STIMATE: variants seen among roughly 807,000 people sequenced by gnomAD.
STIMATE encodes the protein store-operated calcium entry regulator STIMATE.
STIMATE carries 15 observed loss-of-function variants against 36.7 expected under a neutral mutation model. That is an observed-to-expected ratio of 0.41 (90% CI 0.27 to 0.63). The LOEUF is 0.63. STIMATE is among the 20% of genes least tolerant of loss of function. The pLI, the probability that STIMATE is intolerant of heterozygous loss-of-function variation, is 0.32. For missense variants in STIMATE, 305 were observed against 397.3 expected, an observed-to-expected ratio of 0.77 and a Z score of 1.98; for synonymous variants, 163 against 162.3, an observed-to-expected ratio of 1.00 and a Z score of -0.03.
At chr3:52,896,489 T>C (rs904890242) in intron 1 of STIMATE, among the ~76,000 whole-genome samples, 3 of 151,732 alleles carry the variant, frequency 2.0e-5, no homozygotes, top group Admixed American at 6.6e-5. Context: ...TCAGCACACA[T>C]GAGAACAGGG....
At chr3:52,880,564 CAGCCA>C (rs1701586055) in intron 1 of STIMATE, among the ~76,000 whole-genome samples, 1 of 152,194 alleles carries the variant, frequency 6.6e-6, no homozygotes, top group Admixed American at 6.5e-5. Flanking sequence ...AACGAAGACT[CAGCCA>C]AGCTCCATTC....
chr3:52,855,099 A>G (rs931997173), intron 2 of STIMATE, among the ~76,000 whole-genome samples: 2 of 152,226 alleles, frequency 1.3e-5, no homozygotes, highest in Non-Finnish European at 2.9e-5. Flanking sequence ...AGGTAGACAT[A>G]GATGAAGGAG....
intron 1 of STIMATE, among the ~76,000 whole-genome samples, chr3:52,856,955 T>C (rs1299310241): frequency 6.6e-6 from 1 of 152,232 alleles, no homozygotes; most frequent in Non-Finnish European, 1.5e-5. Context: ...GTGTGATACT[T>C]TCCCACAGAA....
intron 7 of STIMATE, 54 bp downstream of exon 7, chr3:52,842,757 C>T (rs1700820311): frequency 1.2e-6 from 2 of 1,610,802 alleles, no homozygotes; most frequent in East Asian, 4.5e-5. Flanking sequence ...CCAGAGACCC[C>T]CTTGGGCCAG....
At chr3:52,887,440 G>A (rs191068987) in intron 1 of STIMATE, among the ~76,000 whole-genome samples, 1 of 152,354 alleles carries the variant, frequency 6.6e-6, no homozygotes, top group East Asian at 1.9e-4. Context: ...TTGCGGCACA[G>A]GAAAAGCTGG....
chr3:52,896,913 G>A (rs1285028426), intron 1 of STIMATE, among the ~76,000 whole-genome samples: 3 of 152,188 alleles, frequency 2.0e-5, no homozygotes, highest in African/African-American at 7.2e-5. Flanking sequence ...TGGGGATTGA[G>A]GGATGTGGGT....
chr3:52,870,725 C>A (rs1701388700), intron 1 of STIMATE, among the ~76,000 whole-genome samples: 1 of 152,158 alleles, frequency 6.6e-6, no homozygotes, highest in South Asian at 2.1e-4. Flanking sequence ...TCCCGCCTCA[C>A]CAGCAGCAGG....
chr3:52,859,172 A>AAAAT (rs1559492845), intron 1 of STIMATE, among the ~76,000 whole-genome samples: 2 of 145,942 alleles, frequency 1.4e-5, no homozygotes, highest in Non-Finnish European at 3.0e-5. Flanking sequence ...CAAAAAAAAT[A>AAAAT]AAATAAATAA....
At chr3:52,871,133 G>C (rs1039936594) in intron 1 of STIMATE, among the ~76,000 whole-genome samples, 1 of 152,172 alleles carries the variant, frequency 6.6e-6, no homozygotes, top group African/African-American at 2.4e-5. Flanking sequence ...ACTCGTGATA[G>C]TTTCATATGC....
chr3:52,869,721 T>G (rs1190770981), intron 1 of STIMATE, among the ~76,000 whole-genome samples: 1 of 152,176 alleles, frequency 6.6e-6, no homozygotes, highest in Non-Finnish European at 1.5e-5. Flanking sequence ...AGTAGGCACT[T>G]AACTACTAAA....
chr3:52,897,203 G>A, intron 1 of STIMATE, 88 bp downstream of exon 1: 1 of 1,485,934 alleles, frequency 6.7e-7, no homozygotes, highest in Non-Finnish European at 8.9e-7. Flanking sequence ...CCCAAGGCCT[G>A]AACTCTCCGC....
Position 52,844,902 on chromosome 3 carries a change from G to C in STIMATE, c.467C>G (p.Ala156Gly), listed in dbSNP as rs1476192752. ...LQCGAWVGQC[A>G]LYIVIMIFEK... ...AAAAATCATGATCACGATGTAAAGA[G>C]CGCACTGCCCGACCCAGGCTCCACA... Residue 156 changes from alanine to glycine, a missense_variant, in exon 5 of 8, where the codon GCT becomes GGT. Physicochemically the swap from Ala to Gly is moderately conservative, Grantham distance 60 (BLOSUM62 0). This residue lies in a region of STIMATE where 164 missense variants were observed against 257.9 expected (regional missense o/e 0.64). Transcript: ENST00000355083. The C allele has an allele frequency of 6.2e-7, 1 of 1,614,052 alleles. No homozygotes were observed. The highest frequency in any genetic ancestry group is 8.5e-7 in the Non-Finnish European group (1 of 1,179,992).
At chr3:52,851,567 A>G (rs1296438449) in intron 3 of STIMATE, among the ~76,000 whole-genome samples, 1 of 152,218 alleles carries the variant, frequency 6.6e-6, no homozygotes, top group African/African-American at 2.4e-5. Context: ...CCTCTGTAAA[A>G]TCACAAGGGG....
chr3:52,891,717 C>T (rs1379344993), intron 1 of STIMATE, among the ~76,000 whole-genome samples: 2 of 151,652 alleles, frequency 1.3e-5, no homozygotes, highest in Non-Finnish European at 2.9e-5. Context: ...GTGAAGAGGG[C>T]TAAAGGTAAA....
At chr3:52,890,232 G>A (rs1415947094) in intron 1 of STIMATE, among the ~76,000 whole-genome samples, 1 of 152,242 alleles carries the variant, frequency 6.6e-6, no homozygotes, top group Admixed American at 6.5e-5. Context: ...CTGGGGACCA[G>A]TCTCAGCTCT....
intron 1 of STIMATE, among the ~76,000 whole-genome samples, chr3:52,868,170 G>C (rs1701342786): frequency 6.6e-6 from 1 of 152,188 alleles, no homozygotes. Context: ...TAAAAACCCA[G>C]AGACGCCCAG....
rs533872722 is a variant in STIMATE, at chr3:52,892,440, T to C, written c.160+4851A>G. Among the ~76,000 whole-genome samples, 75 of 152,330 alleles carry C rather than the reference T, an allele frequency of 4.9e-4. 1 individual carries two copies. The South Asian group carries it at 0.013, about 27-fold the overall frequency. ...CTCTGAGCCAGCCAGTATGCTAACATTGGCCACAACACCAGCTTGGCATGA... is the reference window on the plus strand; with the variant it reads ...CTCTGAGCCAGCCAGTATGCTAACACTGGCCACAACACCAGCTTGGCATGA... On this transcript the variant is annotated intron_variant, in intron 1 of 7. Coordinates refer to ENST00000355083, the MANE Select transcript of STIMATE (RefSeq NM_198563.5).
At chr3:52,871,663 T>C (rs1240352012) in intron 1 of STIMATE, among the ~76,000 whole-genome samples, 2 of 152,060 alleles carry the variant, frequency 1.3e-5, no homozygotes, top group African/African-American at 4.8e-5. Flanking sequence ...CACCAACCCA[T>C]CCACCCATCC....
At chr3:52,849,290 A>C (rs1700958206) in intron 4 of STIMATE, among the ~76,000 whole-genome samples, 1 of 152,236 alleles carries the variant, frequency 6.6e-6, no homozygotes, top group Non-Finnish European at 1.5e-5. Context: ...GGCCTGAGGA[A>C]GGTGCCCTCC....
Sources: allele counts gnomAD v4.1 joint callset (sites outside exome capture counted in the v4.1 genomes callset), GRCh38; gene constraint gnomAD v4.1.1; regional missense constraint gnomAD v4.1.1; transcripts MANE v1.5; gene names NCBI Gene and HGNC (gene_info 2026-07-23, HGNC 2026-07-21).